The following RNF150 variants were observed in gnomAD, a reference collection of about 807,000 sequenced individuals.
RNF150 encodes ring finger protein 150.
A neutral mutation model predicts 39.3 loss-of-function variants in RNF150; 24 were observed. That is an observed-to-expected ratio of 0.61 (90% CI 0.44 to 0.86). The LOEUF (loss-of-function observed/expected upper bound fraction) is 0.86. RNF150 is among the 40% of genes least tolerant of loss of function. The probability of loss-of-function intolerance (pLI) is 0.00; values close to 1 mark genes in which losing one functional copy is unlikely to be tolerated. For missense variants in RNF150, 502 were observed against 587.8 expected (o/e 0.85, Z 1.51); for synonymous variants, 255 against 227.3 (o/e 1.12, Z -1.10).
chr4:141,048,257 C>T lies in RNF150; in HGVS notation c.485-80384G>A, dbSNP rs114096083. 6.9e-3 allele frequency among the ~76,000 whole-genome samples: 1,048 copies of T among 152,260 alleles called. 12 individuals carry two copies. The highest frequency in any genetic ancestry group is 0.024 in the African/African-American group (978 of 41,550). On this transcript the variant is annotated intron_variant, in intron 1 of 6. Transcript: ENST00000515673. The stretch of plus-strand genomic sequence containing the variant: ...AGTGGGGAAGAAGTACAGGATGATT[C>T]GCAGCAATGGCTAAACTGTAAGCTA...
chr4:141,062,551 T>C (rs1357517813), intron 1 of RNF150, among the ~76,000 whole-genome samples: 1 of 152,168 alleles, frequency 6.6e-6, no homozygotes, highest in Non-Finnish European at 1.5e-5. Flanking sequence ...TAGTGTTCTC[T>C]GAACGCTTTA....
intron 2 of RNF150, among the ~76,000 whole-genome samples, chr4:140,958,821 G>C (rs185210280): frequency 9.9e-4 from 150 of 152,256 alleles, no homozygotes; most frequent in African/African-American, 3.4e-3. Flanking sequence ...GGTGAGGAGA[G>C]AGAGGTCTGT....
chr4:140,863,463 CAAT>C lies in RNF150; in HGVS notation c.*4795_*4797del. 6.6e-6 allele frequency: 1 copy of C among 151,936 alleles called. No individual in the cohort carries two copies. The highest frequency in any genetic ancestry group is 3.4e-3 in the Middle Eastern group (1 of 294). 9.4% of individuals were successfully genotyped at this position (151,936 alleles called of 1,614,324 possible). A position where few individuals can be genotyped will look rare whatever the true frequency, so the allele number is the denominator to read the frequency against. ...AGAAGTGAATATGGATATTGCTACA[CAAT>C]AAAAAGAGGAAAAACACCAACAACA... On this transcript the variant is annotated 3_prime_UTR_variant, in exon 7 of 7. Coordinates refer to ENST00000515673, the MANE Select transcript of RNF150 (RefSeq NM_020724.2).
At chr4:140,914,796 T>C (rs1335794172) in intron 5 of RNF150, among the ~76,000 whole-genome samples, 1 of 152,254 alleles carries the variant, frequency 6.6e-6, no homozygotes, top group Non-Finnish European at 1.5e-5. Context: ...AAATGATACC[T>C]ATTGTTATGG....
rs1728751969 is a variant in RNF150 at position 140,867,413 on chromosome 4, T to C, written c.*848A>G. The stretch of plus-strand genomic sequence containing the variant: ...AACCAGCCCTACAACCACCAAAGAC[T>C]GGATGCCTTGGAGGGGACTTCTGAG... On this transcript the variant is annotated 3_prime_UTR_variant, in exon 7 of 7. Coordinates refer to ENST00000515673, the MANE Select transcript of RNF150 (RefSeq NM_020724.2). 6.6e-6 allele frequency: 1 copy of C among 152,162 alleles called. No homozygotes were observed. Among genetic ancestry groups the C allele is most frequent in the African/African-American group, 2.4e-5 (1 of 41,422 alleles). 9.4% of individuals were successfully genotyped at this position (152,162 alleles called of 1,614,324 possible). A position where few individuals can be genotyped will look rare whatever the true frequency, so the allele number is the denominator to read the frequency against.
intron 1 of RNF150, among the ~76,000 whole-genome samples, chr4:141,169,840 T>C (rs1727668648): frequency 6.6e-6 from 1 of 152,134 alleles, no homozygotes; most frequent in African/African-American, 2.4e-5. Context: ...ATCAGAGTCA[T>C]GAGTCATTTA....
At chr4:140,871,345 T>C (rs1293654391) in intron 6 of RNF150, among the ~76,000 whole-genome samples, 1 of 152,164 alleles carries the variant, frequency 6.6e-6, no homozygotes, top group Non-Finnish European at 1.5e-5. Context: ...TCAAATTGTT[T>C]TTATTTTTGC....
intron 1 of RNF150, among the ~76,000 whole-genome samples, chr4:141,084,786 G>C (rs1465650765): frequency 6.6e-6 from 1 of 152,216 alleles, no homozygotes; most frequent in Non-Finnish European, 1.5e-5. Context: ...TGTCATCACA[G>C]TATCTCCCAT....
intron 1 of RNF150, among the ~76,000 whole-genome samples, chr4:141,147,295 G>T (rs1472532258): frequency 2.6e-5 from 4 of 152,186 alleles, no homozygotes; most frequent in Non-Finnish European, 1.5e-5. Context: ...TGCTTGGCAG[G>T]TGGCCTTCAG....
chr4:141,090,834 A>G (rs1474112371), intron 1 of RNF150, among the ~76,000 whole-genome samples: 1 of 152,118 alleles, frequency 6.6e-6, no homozygotes, highest in African/African-American at 2.4e-5. Context: ...GAGAAGCTGG[A>G]AATCTGGATT....
intron 1 of RNF150, among the ~76,000 whole-genome samples, chr4:141,002,051 A>C (rs1734686058): frequency 6.6e-6 from 1 of 152,246 alleles, no homozygotes; most frequent in East Asian, 1.9e-4. Flanking sequence ...ATGTATATTT[A>C]TAATATTGGT....
In RNF150 at chr4:140,860,663, A is replaced by T. The variant is rs938693162; in HGVS notation, c.*7598T>A. 1.3e-5 allele frequency: 2 copies of T among 152,218 alleles called. No homozygotes were observed. Among genetic ancestry groups the T allele is most frequent in the Admixed American group, 6.5e-5 (1 of 15,278 alleles). 9.4% of individuals were successfully genotyped at this position (152,218 alleles called of 1,614,324 possible). On this transcript the variant is annotated 3_prime_UTR_variant, in exon 7 of 7. Transcript: ENST00000515673. ...GTTAGGATGGAAAAAAAGCCATTGGAATTTCCTCTTGCTAGTAGGGAGGAA... is the reference window on the plus strand; with the variant it reads ...GTTAGGATGGAAAAAAAGCCATTGGTATTTCCTCTTGCTAGTAGGGAGGAA...
intron 1 of RNF150, among the ~76,000 whole-genome samples, chr4:141,039,149 T>C (rs1228742736): frequency 6.6e-6 from 1 of 152,126 alleles, no homozygotes; most frequent in East Asian, 1.9e-4. Context: ...TACCTGTGTT[T>C]GGGCTGAGAA....
At chr4:141,168,127 G>A (rs370150857) in intron 1 of RNF150, among the ~76,000 whole-genome samples, 29 of 152,152 alleles carry the variant, frequency 1.9e-4, no homozygotes, top group South Asian at 4.1e-4. Context: ...ATCAAAAAGC[G>A]GGCAAAGGAC....
intron 1 of RNF150, among the ~76,000 whole-genome samples, chr4:141,196,494 C>G (rs2111209555): frequency 6.6e-6 from 1 of 152,224 alleles, no homozygotes; most frequent in Non-Finnish European, 1.5e-5. Flanking sequence ...TGGGTTCTGC[C>G]CTTTGCAAGT....
intron 5 of RNF150, among the ~76,000 whole-genome samples, chr4:140,924,739 G>T (rs574197061): frequency 1.3e-5 from 2 of 152,274 alleles, no homozygotes; most frequent in South Asian, 4.1e-4. Flanking sequence ...CATCATGAAT[G>T]CATTATGCAT....
At chr4:140,964,871 G>GCT (rs1733174016) in intron 2 of RNF150, among the ~76,000 whole-genome samples, 1 of 151,940 alleles carries the variant, frequency 6.6e-6, no homozygotes, top group Non-Finnish European at 1.5e-5. Context: ...CTAGATTCAT[G>GCT]GTATGGTTTA....
chr4:140,941,079 A>T (rs1159636465), intron 4 of RNF150, among the ~76,000 whole-genome samples: 2 of 152,230 alleles, frequency 1.3e-5, no homozygotes, highest in African/African-American at 4.8e-5. Flanking sequence ...AAGAAAAAAA[A>T]TAATAAGAAT....
upstream of RNF150, among the ~76,000 whole-genome samples, chr4:141,136,619 A>AT (rs1330096017): frequency 6.6e-6 from 1 of 152,232 alleles, no homozygotes; most frequent in African/African-American, 2.4e-5. Context: ...ACTGTTGTAG[A>AT]TAAAAACATC....
Sources: allele counts gnomAD v4.1 joint callset (sites outside exome capture counted in the v4.1 genomes callset), GRCh38; gene constraint gnomAD v4.1.1; transcripts MANE v1.5; gene names NCBI Gene and HGNC (gene_info 2026-07-23, HGNC 2026-07-21).